Variants in AP1G2 observed in about 807,000 individuals in gnomAD.
The protein encoded by AP1G2 is adaptor related protein complex 1 subunit gamma 2, also known as AP-1 complex subunit gamma-like 2.
A neutral mutation model predicts 95.8 loss-of-function variants in AP1G2; 85 were observed. The ratio of observed to expected loss-of-function variants is 0.89; its 90% confidence interval spans 0.74 to 1.06. The LOEUF is 1.06. Ranked by LOEUF, AP1G2 falls within the 50% of genes least tolerant of loss-of-function variation. The pLI is 0.00. For synonymous variants in AP1G2, 378 were observed against 400.0 expected, an observed-to-expected ratio of 0.94 and a Z score of 0.66; for missense variants, 967 against 1,005.8, an observed-to-expected ratio of 0.96 and a Z score of 0.52.
rs775781907 is a variant in AP1G2, at chr14:23,560,306, G to T, written c.2106C>A (p.Asn702Lys). ...ALLLITITAT[N>K]FSEGDVTHFI... ...AATGGGTGACATCACCCTCTGAGAA[G>T]TTGGTGGCAGTGATGGTGATTAACA... The change falls in exon 20 of 22, where the codon AAC becomes AAA. Residue 702 changes from asparagine (N) to lysine (K), a missense_variant. Asn to Lys is a moderately conservative substitution (Grantham distance 94). Coordinates refer to ENST00000397120, the MANE Select transcript of AP1G2 (RefSeq NM_003917.5). 1 of 1,614,122 alleles carries T rather than the reference G, an allele frequency of 6.2e-7. No individual in the cohort carries two copies. Among genetic ancestry groups the T allele is most frequent in the South Asian group, 1.1e-5 (1 of 91,070 alleles).
In AP1G2 at chr14:23,567,558, G is replaced by A; in HGVS notation, c.-6+181C>T. 3.0e-6 allele frequency: 4 copies of A among 1,315,818 alleles called. No homozygotes were observed. The highest frequency in any genetic ancestry group is 3.9e-6 in the Non-Finnish European group (4 of 1,037,564). The allele number at this position is 1,315,818 out of a possible 1,614,324, so 81.5% of individuals were successfully genotyped here. On this transcript the variant is annotated intron_variant, in intron 1 of 21. Coordinates refer to ENST00000397120, the MANE Select transcript of AP1G2 (RefSeq NM_003917.5). This position sits in a 1 kb window ranked among gnomAD's most constrained non-coding sequence, Gnocchi z 5.3. ...GCCCCTTCCTATTGAGCATGCGCGG[G>A]AGCCCCACCTATTTCTCTCTACCGT...
Position 23,561,654 on chromosome 14 carries a change from A to G in AP1G2, c.1734-19T>C. ...GGCAGCCCTGAGAGGATGGAATGCA[A>G]GTGTGCCTCTGTGTGGTCTCTGGGC... On this transcript the variant is annotated intron_variant, in intron 17 of 21. Transcript: ENST00000397120. 4 of 1,612,684 alleles carry G rather than the reference A, an allele frequency of 2.5e-6. No homozygotes were observed. The South Asian group carries it at 3.3e-5, about 13-fold the overall frequency.
chr14:23,562,457 G>A, intron 15 of AP1G2, 42 bp from the exon 16 acceptor site: 1 of 1,613,762 alleles, frequency 6.2e-7, no homozygotes, highest in Non-Finnish European at 8.5e-7. Context: ...TGCAAGTCCT[G>A]TCCCCCTGAC....
In AP1G2 at chr14:23,561,491, CAG is replaced by C; in HGVS notation, c.1857+19_1857+20del. On this transcript the variant is annotated intron_variant, in intron 18 of 21. Coordinates refer to ENST00000397120, the MANE Select transcript of AP1G2 (RefSeq NM_003917.5). ...TGAAGCTCAGCCCGTCTTCCTACCC[CAG>C]AGTTTCTAGCCTTCTCACCTGGGGC... 1 of 1,614,124 alleles carries C rather than the reference CAG, an allele frequency of 6.2e-7. No homozygotes were observed. The highest frequency in any genetic ancestry group is 2.2e-5 in the East Asian group (1 of 44,874).
Position 23,567,046 on chromosome 14 carries a change from A to G in AP1G2, c.204+65T>C. On this transcript the variant is annotated intron_variant, in intron 2 of 21. Transcript: ENST00000397120. This position sits in a 1 kb window ranked among gnomAD's most constrained non-coding sequence, Gnocchi z 5.3. ...AAAAACCAGGGCATAAACAGGTGAG[A>G]GAGTCTGGGACTCTGCCCCACTAGC... is the stretch of plus-strand genomic sequence containing the variant. The G allele has an allele frequency of 6.7e-7, 1 of 1,503,524 alleles. No homozygotes were observed. The allele number at this position is 1,503,524 out of a possible 1,614,324, so 93.1% of individuals were successfully genotyped here. A position where few individuals can be genotyped will look rare whatever the true frequency, so the allele number is the denominator to read the frequency against.
In AP1G2 at chr14:23,562,589, G is replaced by A; in HGVS notation, c.1415C>T (p.Pro472Leu). The change falls in exon 15 of 22, where the codon CCA becomes CTA. Residue 472 changes from proline to leucine, a missense_variant. Pro to Leu is a moderately conservative substitution (Grantham distance 98). Coordinates refer to ENST00000397120, the MANE Select transcript of AP1G2 (RefSeq NM_003917.5). Reference protein sequence around the residue: ...NALAEDISQQPLVQVAAWCIG... With the variant: ...NALAEDISQQLLVQVAAWCIG... ...GCACCAGGCTGCCACCTGCACCAGT[G>A]GTTGCTACATGGGATAAGAAACTGC... The A allele has an allele frequency of 6.2e-7, 1 of 1,613,796 alleles. No homozygotes were observed.
chr14:23,564,406 T>G lies in AP1G2; in HGVS notation c.922-18A>C, dbSNP rs1159848000. The G allele has an allele frequency of 8.1e-6, 13 of 1,613,860 alleles. No homozygotes were observed. The highest frequency in any genetic ancestry group is 1.0e-5 in the Non-Finnish European group (12 of 1,179,980). On this transcript the variant is annotated intron_variant, in intron 9 of 21. Transcript: ENST00000397120. Reference sequence around the variant, plus strand: ...GCTAGAACCTATGAGAGGCAGAAGTTGGGGTCAGTCGGAAAGGAGCAACCT... The same window carrying G: ...GCTAGAACCTATGAGAGGCAGAAGTGGGGGTCAGTCGGAAAGGAGCAACCT...
chr14:23,567,131 A>G lies in AP1G2; in HGVS notation c.184T>C (p.Tyr62His). 2 of 1,611,184 alleles carry G rather than the reference A, an allele frequency of 1.2e-6. No individual in the cohort carries two copies. The highest frequency in any genetic ancestry group is 1.7e-6 in the Non-Finnish European group (2 of 1,178,654). Residue 62 changes from tyrosine (Y) to histidine (H), a missense_variant, in exon 2 of 22, where the codon TAC becomes CAC. Physicochemically the swap from Tyr to His is moderately conservative, Grantham distance 83 (BLOSUM62 2). Coordinates refer to ENST00000397120, the MANE Select transcript of AP1G2 (RefSeq NM_003917.5). This position sits in a 1 kb window ranked among gnomAD's most constrained non-coding sequence, Gnocchi z 5.3. ...AGTACCTGTCCAAAGTGGGCGGGGT[A>G]GCCCAACATGTGGACGTAGAGCAGT... ...AKLLYVHMLG[Y>H]PAHFGQMECL... is the part of the protein sequence containing the mutation.
Position 23,561,345 on chromosome 14 carries a change from T to C in AP1G2, c.1944A>G (p.Gly648=). 6.3e-7 allele frequency: 1 copy of C among 1,582,340 alleles called. No homozygotes were observed. Among genetic ancestry groups the C allele is most frequent in the Non-Finnish European group, 8.6e-7 (1 of 1,163,084 alleles). ...QHPPHLDPSP[G]GALVHLLDLP... is the part of the protein sequence containing the mutation. ...GGTCAAGCAGGTGTACCAGGGCACC[T>C]CCTGGGGAGGGGTCCAGATGGGGAG... The change falls in exon 19 of 22, where the codon GGA becomes GGG. Residue 648 remains glycine, a synonymous_variant. Coordinates refer to ENST00000397120, the MANE Select transcript of AP1G2 (RefSeq NM_003917.5).
At chr14:23,559,911 T>C (rs1883260706) in intron 21 of AP1G2, 27 bp downstream of exon 21, 1 of 1,611,540 alleles carries the variant, frequency 6.2e-7, no homozygotes, top group South Asian at 1.1e-5. Context: ...CCCTGGGTCT[T>C]GTCTTGGGGG....
At chr14:23,563,666 G>C (rs561657805) in intron 12 of AP1G2, 28 bp from the exon 13 acceptor site, 1 of 1,614,138 alleles carries the variant, frequency 6.2e-7, no homozygotes, top group African/African-American at 1.3e-5. Flanking sequence ...CATCAGTCCT[G>C]GTACTGACGC....
Position 23,564,648 on chromosome 14 carries a change from T to C in AP1G2, c.835A>G (p.Thr279Ala), listed in dbSNP as rs1486458782. ...TTTCCGGCATTTCGGCTGGTGTCCG[T>C]GTTAGTGGCCACCTGAGTGGATGAG... The part of the protein sequence containing the change: ...NDLLAQVATN[T>A]DTSRNAGNAV... Residue 279 changes from threonine to alanine, a missense_variant, in exon 9 of 22, where the codon ACG becomes GCG. Transcript: ENST00000397120. The C allele has an allele frequency of 1.2e-6, 2 of 1,613,698 alleles. No homozygotes were observed.
chr14:23,562,241 G>A (rs1310376495), intron 16 of AP1G2, 47 bp downstream of exon 16: 7 of 1,609,828 alleles, frequency 4.3e-6, no homozygotes, highest in East Asian at 4.5e-5. Flanking sequence ...AAAAATGGGT[G>A]GACCCAGTGA....
intron 14 of AP1G2, 55 bp downstream of exon 14, chr14:23,563,325 G>C (rs1363543341): frequency 4.5e-6 from 7 of 1,551,242 alleles, no homozygotes; most frequent in Non-Finnish European, 5.2e-6. Flanking sequence ...AGGTGGCCCA[G>C]GATGGGCAAG....
At position 23,564,647 on chromosome 14, in the gene AP1G2, G is replaced by A. The variant is rs972167499; in HGVS notation, c.836C>T (p.Thr279Met). Residue 279 changes from threonine to methionine, a missense_variant, in exon 9 of 22, where the codon ACG (threonine) becomes ATG (methionine). Physicochemically the swap from Thr to Met is moderately conservative, Grantham distance 81. Coordinates refer to ENST00000397120, the MANE Select transcript of AP1G2 (RefSeq NM_003917.5). ...ATTTCCGGCATTTCGGCTGGTGTCC[G>A]TGTTAGTGGCCACCTGAGTGGATGA... ...NDLLAQVATN[T>M]DTSRNAGNAV... 1.1e-5 allele frequency: 17 copies of A among 1,613,636 alleles called. No individual in the cohort carries two copies. The highest frequency in any genetic ancestry group is 4.4e-5 in the South Asian group (4 of 91,056).
Position 23,565,389 on chromosome 14 carries a change from G to C in AP1G2, c.742-190C>G, listed in dbSNP as rs1887347745. On this transcript the variant is annotated intron_variant, in intron 7 of 21. Transcript: ENST00000397120. ...GTGAGGCCAGGGGAGTTTAGGACAGGCTTAAAAAAAAAATTGTTAACAAAC... is the reference window on the plus strand; with the variant it reads ...GTGAGGCCAGGGGAGTTTAGGACAGCCTTAAAAAAAAAATTGTTAACAAAC... 4.2e-6 allele frequency: 3 copies of C among 715,164 alleles called. No individual in the cohort carries two copies. In the East Asian group the frequency reaches 8.2e-5, roughly 20 times the overall value. 44.3% of individuals were successfully genotyped at this position (715,164 alleles called of 1,614,324 possible).
chr14:23,560,339 A>C lies in AP1G2; in HGVS notation c.2073T>G (p.Pro691=), dbSNP rs1228322601. Residue 691 remains proline, a synonymous_variant, in exon 20 of 22, where the codon CCT becomes CCG. Coordinates refer to ENST00000397120, the MANE Select transcript of AP1G2 (RefSeq NM_003917.5). ...NLSFIRPPEN[P]ALLLITITAT... is the part of the protein sequence containing the mutation. ...CAGTGATGGTGATTAACAGCAAAGC[A>C]GGGTTTTCAGGGGGTCGAATGAAAG... 1.2e-6 allele frequency: 2 copies of C among 1,614,158 alleles called. No homozygotes were observed. Among genetic ancestry groups the C allele is most frequent in the Non-Finnish European group, 1.7e-6 (2 of 1,180,034 alleles).
Position 23,567,772 on chromosome 14 carries a change from C to A in AP1G2, c.-39G>T, listed in dbSNP as rs1888777113. 11 of 1,003,582 alleles carry A rather than the reference C, an allele frequency of 1.1e-5. No homozygotes were observed. The highest frequency in any genetic ancestry group is 6.1e-5 in the Admixed American group (1 of 16,456). The allele number at this position is 1,003,582 out of a possible 1,614,324, so 62.2% of individuals were successfully genotyped here. ...TGCCTCAACTCCGCTCCTCTGCCCC[C>A]CAGCGCTTCCTGGTACGGGGCCGAG... On this transcript the variant is annotated 5_prime_UTR_variant, in exon 1 of 22. Coordinates refer to ENST00000397120, the MANE Select transcript of AP1G2 (RefSeq NM_003917.5). This position sits in a 1 kb window ranked among gnomAD's most constrained non-coding sequence, Gnocchi z 5.3.
At chr14:23,563,690 C>A (rs1265530919) in intron 12 of AP1G2, 26 bp downstream of exon 12, 7 of 1,614,056 alleles carry the variant, frequency 4.3e-6, no homozygotes, top group Non-Finnish European at 5.9e-6. Flanking sequence ...CCAGATTCTA[C>A]CCTCTTCGAC....
Sources: gnomAD v4.1 joint callset for allele counts on GRCh38, gnomAD v4.1.1 for gene constraint, Gnocchi (gnomAD v3.1) non-coding constraint, MANE v1.5 for transcripts, NCBI Gene and HGNC (gene_info 2026-07-23, HGNC 2026-07-21) for gene names.